Variants in EFL1 observed in about 807,000 individuals in gnomAD.
The protein encoded by EFL1 is elongation factor-like GTPase 1.
EFL1 carries 76 observed loss-of-function variants against 126.7 expected under a neutral mutation model. The ratio of observed to expected loss-of-function variants is 0.60; its 90% CI spans 0.50 to 0.73. The LOEUF (loss-of-function observed/expected upper bound fraction) is 0.73, where lower values mean the gene tolerates loss of function less well. Ranked by LOEUF, EFL1 falls within the 30% of genes least tolerant of loss-of-function variation. EFL1 has a pLI of 0.00. For missense variants in EFL1, 1,128 were observed against 1,343.2 expected (o/e 0.84, Z 2.50); for synonymous variants, 410 against 448.4 (o/e 0.91, Z 1.08).
At chr15:82,168,113 A>T (rs1567047934) in intron 15 of EFL1, among the ~76,000 whole-genome samples, 1 of 152,194 alleles carries the variant, frequency 6.6e-6, no homozygotes, top group Non-Finnish European at 1.5e-5. Context: ...TTGAAAGACC[A>T]TCTTCTGCTT....
At chr15:82,203,487 G>A (rs1181316554) in intron 15 of EFL1, among the ~76,000 whole-genome samples, 1 of 152,088 alleles carries the variant, frequency 6.6e-6, no homozygotes, top group African/African-American at 2.4e-5. Flanking sequence ...GCAATTCTCT[G>A]CCTCAGCCTC....
At chr15:82,133,327 G>C (rs1838873243) in intron 19 of EFL1, among the ~76,000 whole-genome samples, 2 of 152,114 alleles carry the variant, frequency 1.3e-5, no homozygotes, top group African/African-American at 2.4e-5. Context: ...ACTGATACAG[G>C]GTTGTTGTGA....
At chr15:82,145,627 T>C (rs1174546) in intron 18 of EFL1, among the ~76,000 whole-genome samples, 53,058 of 150,260 alleles carry the variant, frequency 0.35, 10,730 homozygotes, top group East Asian at 0.6. Context: ...AGGTCAGGAG[T>C]TCAAGACCAG....
intron 10 of EFL1, 47 bp from the exon 11 acceptor site, chr15:82,227,619 AC>A: frequency 6.2e-7 from 1 of 1,612,516 alleles, no homozygotes; most frequent in Non-Finnish European, 8.5e-7. Context: ...AGTGCCTCCC[AC>A]CAAGGCGAAG....
At chr15:82,229,580 G>C (rs1292510908) in intron 8 of EFL1, among the ~76,000 whole-genome samples, 1 of 152,086 alleles carries the variant, frequency 6.6e-6, no homozygotes, top group African/African-American at 2.4e-5. Flanking sequence ...AAAGTTAATA[G>C]CAAGAGCACC....
rs200551064 is a variant in EFL1, at chr15:82,207,721, ATT to A, written c.1750+6994_1750+6995del. Among the ~76,000 whole-genome samples the A allele has an allele frequency of 7.2e-3, 1,024 of 141,860 alleles. 9 individuals are homozygous for A. The highest frequency in any genetic ancestry group is 8.5e-3 in the Non-Finnish European group (557 of 65,652). 93.1% of individuals were successfully genotyped at this position (141,860 alleles called of 152,430 possible). On this transcript the variant is annotated intron_variant, in intron 15 of 19. Coordinates refer to ENST00000268206, the MANE Select transcript of EFL1 (RefSeq NM_024580.6). ...AAAGTTGAGAATAATTGATTGATTG[ATT>A]TTTTTTTTTTTTTTGAGAAGGAGTT...
intron 1 of EFL1, 59 bp downstream of exon 1, chr15:82,262,555 C>T (rs552515896): frequency 8.0e-6 from 2 of 249,104 alleles, no homozygotes; most frequent in African/African-American, 2.3e-5. Context: ...CGGGTTCCTC[C>T]GGCACCGCCC....
intron 12 of EFL1, among the ~76,000 whole-genome samples, chr15:82,220,485 T>C (rs1310597417): frequency 1.3e-5 from 2 of 152,192 alleles, no homozygotes; most frequent in Admixed American, 6.5e-5. Flanking sequence ...TACAATAGTA[T>C]GGAACCTTTC....
At chr15:82,173,854 T>C (rs2074162331) in intron 15 of EFL1, among the ~76,000 whole-genome samples, 1 of 152,192 alleles carries the variant, frequency 6.6e-6, no homozygotes, top group Non-Finnish European at 1.5e-5. Context: ...TCACCAAATG[T>C]ACTATTTTTA....
Position 82,164,664 on chromosome 15 carries a change from G to A in EFL1, c.1751-680C>T, listed in dbSNP as rs577234049. Among the ~76,000 whole-genome samples, 5 of 151,004 alleles carry A rather than the reference G, an allele frequency of 3.3e-5. No homozygotes were observed. The South Asian group carries it at 8.4e-4, about 25-fold the overall frequency. ...TGCAATCTCAGCACTTTGGGAGGCCGAGGCCGGCGGATCACAAGGTCAGGA... is the reference window on the plus strand; with the variant it reads ...TGCAATCTCAGCACTTTGGGAGGCCAAGGCCGGCGGATCACAAGGTCAGGA... On this transcript the variant is annotated intron_variant, in intron 15 of 19. Coordinates refer to ENST00000268206, the MANE Select transcript of EFL1 (RefSeq NM_024580.6).
Position 82,219,713 on chromosome 15 carries a change from C to T in EFL1, c.1550G>A (p.Arg517Gln), listed in dbSNP as rs534562324. 4.7e-5 allele frequency: 76 copies of T among 1,613,722 alleles called. No individual in the cohort carries two copies. The South Asian group carries it at 5.5e-4, about 12-fold the overall frequency. Residue 517 changes from arginine (R) to glutamine (Q), a missense_variant, in exon 14 of 20, where the codon CGA becomes CAA. Transcript: ENST00000268206. ...CAAGACAAAAATTTTCTTTCCTCTTCGAGCCACACCACTGAACACCCGAGC... is the reference window on the plus strand; with the variant it reads ...CAAGACAAAAATTTTCTTTCCTCTTTGAGCCACACCACTGAACACCCGAGC... ...AFARVFSGVA[R>Q]RGKKIFVLGP...
chr15:82,250,398 C>A (rs1320672092), intron 4 of EFL1, among the ~76,000 whole-genome samples: 3 of 121,804 alleles, frequency 2.5e-5, no homozygotes, highest in Non-Finnish European at 5.0e-5. Context: ...TAGGAGGTGA[C>A]TAACCAACCC....
intron 18 of EFL1, among the ~76,000 whole-genome samples, chr15:82,143,216 G>A (rs76645429): frequency 0.01 from 1,586 of 152,202 alleles, 31 homozygotes; most frequent in African/African-American, 0.035. Context: ...AAGATTACAC[G>A]CAGAGGTTAA....
At chr15:82,155,942 T>C (rs72749535) in intron 17 of EFL1, among the ~76,000 whole-genome samples, 2,720 of 152,284 alleles carry the variant, frequency 0.018, 43 homozygotes, top group African/African-American at 0.04. Context: ...CATTTATTTG[T>C]AGGAATTCCT....
At chr15:82,230,293 T>G (rs1279464195) in intron 8 of EFL1, among the ~76,000 whole-genome samples, 2 of 152,200 alleles carry the variant, frequency 1.3e-5, no homozygotes, top group Admixed American at 6.5e-5. Context: ...AATAAATTTA[T>G]GAAATCCTGG....
chr15:82,239,865 C>T (rs1254072391), intron 6 of EFL1, among the ~76,000 whole-genome samples: 2 of 152,146 alleles, frequency 1.3e-5, no homozygotes, highest in South Asian at 2.1e-4. Context: ...TTGACCCAGA[C>T]TGGGTTAGAT....
intron 15 of EFL1, among the ~76,000 whole-genome samples, chr15:82,212,340 A>T (rs1316444973): frequency 6.6e-6 from 1 of 152,238 alleles, no homozygotes; most frequent in Non-Finnish European, 1.5e-5. Context: ...TTCTATCATA[A>T]GAAGTATTAG....
chr15:82,220,160 T>A lies in EFL1; in HGVS notation c.1362A>T (p.Ala454=), dbSNP rs1263728082. Residue 454 remains alanine, a synonymous_variant, in exon 13 of 20, where the codon GCA becomes GCT. Transcript: ENST00000268206. ...CCAAGGGTGCCTGTCCCTGTGCTGC[T>A]GCAAGCTTCTCTGCATGCCTTTGTC... ...RARQRHAEKL[A]AAQGQAPLEP... The A allele has an allele frequency of 1.2e-6, 2 of 1,613,702 alleles. No homozygotes were observed. Among genetic ancestry groups the A allele is most frequent in the Non-Finnish European group, 1.7e-6 (2 of 1,179,858 alleles).
At chr15:82,131,220 C>G (rs118118794) in intron 19 of EFL1, among the ~76,000 whole-genome samples, 3,603 of 152,176 alleles carry the variant, frequency 0.024, 62 homozygotes, top group Non-Finnish European at 0.035. Context: ...AATGTCTTTG[C>G]CATCAATATT....
Sources: allele counts gnomAD v4.1 joint callset (sites outside exome capture counted in the v4.1 genomes callset), GRCh38; gene constraint gnomAD v4.1.1; transcripts MANE v1.5; gene names NCBI Gene and HGNC (gene_info 2026-07-23, HGNC 2026-07-21).